The following SDCCAG8 variants were observed in gnomAD, a reference collection of about 807,000 sequenced individuals.
SDCCAG8 encodes the protein serologically defined colon cancer antigen 8.
SDCCAG8 carries 74 observed loss-of-function variants against 101.8 expected under a neutral mutation model. The ratio of observed to expected loss-of-function variants is 0.73; its 90% CI spans 0.60 to 0.88. The LOEUF is 0.88. Among genes scored for constraint, SDCCAG8 ranks in the 40% least tolerant of loss-of-function variants. The probability of loss-of-function intolerance (pLI) is 0.00; values close to 1 mark genes in which losing one functional copy is unlikely to be tolerated. For missense variants in SDCCAG8, 787 were observed against 822.6 expected, an observed-to-expected ratio of 0.96 and a Z score of 0.53; for synonymous variants, 281 against 292.9, an observed-to-expected ratio of 0.96 and a Z score of 0.41.
At chr1:243,443,073 A>G (rs1214832445) in intron 16 of SDCCAG8, among the ~76,000 whole-genome samples, 1 of 152,260 alleles carries the variant, frequency 6.6e-6, no homozygotes, top group Non-Finnish European at 1.5e-5. Context: ...TGCATTAAAC[A>G]AATCTTTCAT....
intron 17 of SDCCAG8, among the ~76,000 whole-genome samples, chr1:243,497,872 A>G (rs1292352225): frequency 2.0e-5 from 3 of 152,038 alleles, no homozygotes; most frequent in African/African-American, 4.8e-5. Flanking sequence ...TGTAGAGATG[A>G]GGTCTCACTA....
intron 17 of SDCCAG8, among the ~76,000 whole-genome samples, chr1:243,492,217 C>T (rs1428963173): frequency 2.0e-5 from 3 of 151,890 alleles, no homozygotes; most frequent in Admixed American, 1.3e-4. Context: ...CGAGAACCCC[C>T]ATCCTCCCCG....
intron 13 of SDCCAG8, among the ~76,000 whole-genome samples, chr1:243,392,664 A>G (rs970323296): frequency 6.6e-6 from 1 of 152,236 alleles, no homozygotes; most frequent in Non-Finnish European, 1.5e-5. Flanking sequence ...TCCTACACTC[A>G]AACTGATTTG....
intron 16 of SDCCAG8, among the ~76,000 whole-genome samples, chr1:243,480,174 G>A (rs978785358): frequency 1.3e-5 from 2 of 150,722 alleles, no homozygotes; most frequent in Non-Finnish European, 2.9e-5. Flanking sequence ...CTGTTGCGGG[G>A]AGTATGGATT....
At chr1:243,377,692 AT>A (rs2077678194) in intron 12 of SDCCAG8, among the ~76,000 whole-genome samples, 1 of 151,996 alleles carries the variant, frequency 6.6e-6, no homozygotes, top group South Asian at 2.1e-4. Flanking sequence ...ACATGAGGAA[AT>A]TTGGAAGTTT....
chr1:243,312,575 G>A (rs2072837002), intron 8 of SDCCAG8, among the ~76,000 whole-genome samples: 2 of 152,030 alleles, frequency 1.3e-5, no homozygotes, highest in South Asian at 4.1e-4. Flanking sequence ...ATGTGTTGGT[G>A]CACGCCTGTA....
chr1:243,474,016 A>G lies in SDCCAG8; in HGVS notation c.1986-14998A>G, dbSNP rs1024726811. 6.6e-6 allele frequency among the ~76,000 whole-genome samples: 1 copy of G among 151,638 alleles called. No homozygotes were observed. Among genetic ancestry groups the G allele is most frequent in the African/African-American group, 2.4e-5 (1 of 41,216 alleles). ...TCACATGAGAAGCTTAATCACTAACATAGAAATGTAAACGGGTTGCAGTAT... is the reference window on the plus strand; with the variant it reads ...TCACATGAGAAGCTTAATCACTAACGTAGAAATGTAAACGGGTTGCAGTAT... On this transcript the variant is annotated intron_variant, in intron 16 of 17. Transcript: ENST00000366541. The surrounding 1 kb of genome is among the most constrained non-coding windows in gnomAD (Gnocchi z 4.7).
intron 16 of SDCCAG8, among the ~76,000 whole-genome samples, chr1:243,435,842 T>A (rs1240432735): frequency 1.3e-5 from 2 of 152,002 alleles, no homozygotes; most frequent in African/African-American, 4.8e-5. Context: ...TTCTTTACAA[T>A]CGTATTTTCA....
chr1:243,386,510 T>C (rs1223335566), intron 13 of SDCCAG8, among the ~76,000 whole-genome samples: 2 of 151,932 alleles, frequency 1.3e-5, no homozygotes, highest in African/African-American at 4.8e-5. Context: ...TCCCAGCACT[T>C]TGGGAGGCCG....
intron 2 of SDCCAG8, 65 bp from the exon 3 acceptor site, chr1:243,270,913 G>A: frequency 8.7e-7 from 1 of 1,151,012 alleles, no homozygotes; most frequent in Non-Finnish European, 1.3e-6. Context: ...TTGGAAGGAT[G>A]GATGGGTGGT....
intron 12 of SDCCAG8, among the ~76,000 whole-genome samples, chr1:243,345,728 A>G (rs2075664226): frequency 6.6e-6 from 1 of 152,006 alleles, no homozygotes; most frequent in Non-Finnish European, 1.5e-5. Context: ...AGGAAAAAAG[A>G]TCAGGGACAA....
chr1:243,268,705 A>T (rs968053816), intron 1 of SDCCAG8, among the ~76,000 whole-genome samples: 2 of 152,244 alleles, frequency 1.3e-5, no homozygotes, highest in Non-Finnish European at 2.9e-5. Context: ...TTAAGTACTA[A>T]CATTGCTTTT....
intron 4 of SDCCAG8, among the ~76,000 whole-genome samples, chr1:243,282,162 G>T (rs372949917): frequency 4.6e-5 from 7 of 151,158 alleles, no homozygotes; most frequent in African/African-American, 1.7e-4. Context: ...TTGTATGATT[G>T]CATTTTTTTC....
chr1:243,291,529 C>G (rs1172667435), intron 5 of SDCCAG8, among the ~76,000 whole-genome samples: 2 of 152,316 alleles, frequency 1.3e-5, no homozygotes, highest in African/African-American at 4.8e-5. Flanking sequence ...TTTTGAATCC[C>G]TGGCATGCAG....
Position 243,417,973 on chromosome 1 carries a change from G to A in SDCCAG8, c.1750G>A (p.Glu584Lys), listed in dbSNP as rs150961792. 21 of 1,604,194 alleles carry A rather than the reference G, an allele frequency of 1.3e-5. No homozygotes were observed. In the African/African-American group the frequency reaches 2.8e-4, roughly 21 times the overall value. The change falls in exon 15 of 18, where the codon GAA becomes AAA. Residue 584 changes from glutamate to lysine, a missense_variant. By Grantham distance (56) the Glu-to-Lys change is moderately conservative. Coordinates refer to ENST00000366541, the MANE Select transcript of SDCCAG8 (RefSeq NM_006642.5). ...GGGTTTATTGTTATTTCTAGAAAAT[G>A]AACAGTATTTGTTGCTGACCTCCCA... ...MEAQHDKTEN[E>K]QYLLLTSQNT...
chr1:243,256,349 C>G, intron 1 of SDCCAG8, 109 bp downstream of exon 1: 1 of 845,514 alleles, frequency 1.2e-6, no homozygotes, highest in Non-Finnish European at 2.0e-6. Flanking sequence ...GTCCACGCTA[C>G]AGAGGAGCAA....
intron 17 of SDCCAG8, among the ~76,000 whole-genome samples, chr1:243,498,346 G>A (rs1668557749): frequency 6.6e-6 from 1 of 152,212 alleles, no homozygotes; most frequent in Admixed American, 6.5e-5. Flanking sequence ...CTCCTCATGG[G>A]CCACTCAGAC....
chr1:243,301,422 C>T (rs2071493894), intron 6 of SDCCAG8, among the ~76,000 whole-genome samples: 1 of 152,118 alleles, frequency 6.6e-6, no homozygotes, highest in Non-Finnish European at 1.5e-5. Flanking sequence ...CCATGAGGCC[C>T]ATGCAAAGTG....
At chr1:243,259,915 T>C (rs1193531167) in intron 1 of SDCCAG8, among the ~76,000 whole-genome samples, 1 of 152,244 alleles carries the variant, frequency 6.6e-6, no homozygotes, top group East Asian at 1.9e-4. Flanking sequence ...AATTTGAAGT[T>C]GTAATGTGAA....
Sources: gnomAD v4.1 joint callset for allele counts (sites outside exome capture counted in the v4.1 genomes callset) on GRCh38, gnomAD v4.1.1 for gene constraint, Gnocchi (gnomAD v3.1) non-coding constraint, MANE v1.5 for transcripts, NCBI Gene and HGNC (gene_info 2026-07-23, HGNC 2026-07-21) for gene names.